Variants in NXPE2 observed in about 807,000 individuals in gnomAD.
The protein encoded by NXPE2 is neurexophilin and PC-esterase domain family member 2, also known as NXPE family member 2.
NXPE2 carries 34 observed loss-of-function variants against 34.4 expected under a neutral mutation model. That is an observed-to-expected ratio of 0.99 (90% confidence interval 0.75 to 1.31). The LOEUF (loss-of-function observed/expected upper bound fraction) is 1.31. Among genes scored for constraint, NXPE2 ranks in the 40% most tolerant of loss-of-function variants. NXPE2 has a pLI of 0.00. For synonymous variants in NXPE2, 235 were observed against 231.3 expected (o/e 1.02, Z -0.15); for missense variants, 649 against 672.5 (o/e 0.97, Z 0.39).
chr11:114,471,138 G>C, the NXPE2 span, among the ~76,000 whole-genome samples: 2 of 152,106 alleles, frequency 1.3e-5, no homozygotes, highest in African/African-American at 4.8e-5. Context: ...TAATTTTCAT[G>C]AAGTCCAATT....
the NXPE2 span, among the ~76,000 whole-genome samples, chr11:114,650,366 C>T: frequency 0.01 from 1,555 of 152,282 alleles, 22 homozygotes; most frequent in African/African-American, 0.035. Context: ...TCACAATCAC[C>T]CATGAGCTCT....
chr11:114,783,501 G>A, the NXPE2 span, among the ~76,000 whole-genome samples: 10 of 152,204 alleles, frequency 6.6e-5, no homozygotes, highest in East Asian at 1.9e-3. Flanking sequence ...CTCAACCATT[G>A]CTATTAGAGA....
chr11:114,738,483 A>G, the NXPE2 span, among the ~76,000 whole-genome samples: 1 of 152,158 alleles, frequency 6.6e-6, no homozygotes, highest in Non-Finnish European at 1.5e-5. Context: ...GACCTAAAGC[A>G]ATTGGGATAT....
chr11:114,695,830 A>AAAACAC (rs1951239825), intron 2 of NXPE2, among the ~76,000 whole-genome samples: 1 of 132,536 alleles, frequency 7.5e-6, no homozygotes, highest in Non-Finnish European at 1.6e-5. Flanking sequence ...GTCTCTACTA[A>AAAACAC]ACACACACAC....
the NXPE2 span, among the ~76,000 whole-genome samples, chr11:114,570,146 G>T: frequency 3.3e-5 from 5 of 152,216 alleles, no homozygotes; most frequent in East Asian, 9.6e-4. Flanking sequence ...TTTGTTTGGG[G>T]CTCAGACTAT....
At chr11:114,537,731 G>A in the NXPE2 span, among the ~76,000 whole-genome samples, 1 of 151,968 alleles carries the variant, frequency 6.6e-6, no homozygotes, top group South Asian at 2.1e-4. Flanking sequence ...CAAGGGATGT[G>A]AAGGACCTCT....
chr11:114,572,977 C>G, the NXPE2 span, among the ~76,000 whole-genome samples: 1 of 152,092 alleles, frequency 6.6e-6, no homozygotes, highest in Admixed American at 6.5e-5. Flanking sequence ...TATCAGGTAA[C>G]CTATAAAAGA....
At chr11:114,728,665 A>G in the NXPE2 span, among the ~76,000 whole-genome samples, 1 of 152,202 alleles carries the variant, frequency 6.6e-6, no homozygotes, top group Non-Finnish European at 1.5e-5. Context: ...AAGATATTAC[A>G]TACTTTAGGC....
At chr11:114,653,533 C>CTTT in the NXPE2 span, among the ~76,000 whole-genome samples, 2 of 103,512 alleles carry the variant, frequency 1.9e-5, no homozygotes, top group African/African-American at 3.5e-5. Context: ...CCTGCTTTCC[C>CTTT]TTTTTTTTTT....
chr11:114,730,326 G>C, the NXPE2 span, among the ~76,000 whole-genome samples: 7 of 152,064 alleles, frequency 4.6e-5, no homozygotes, highest in Middle Eastern at 3.4e-3. Flanking sequence ...GTTGGAAGTC[G>C]GGTAATGTGA....
chr11:114,573,067 TA>T, the NXPE2 span, among the ~76,000 whole-genome samples: 1 of 152,094 alleles, frequency 6.6e-6, no homozygotes, highest in Non-Finnish European at 1.5e-5. Context: ...TTAGCCTCCT[TA>T]AACAAAAAAA....
At chr11:114,476,927 C>G in the NXPE2 span, among the ~76,000 whole-genome samples, 16 of 152,090 alleles carry the variant, frequency 1.1e-4, 1 homozygote, top group Non-Finnish European at 2.1e-4. Flanking sequence ...CCCCCTAAAG[C>G]TATTAAGTTA....
the NXPE2 span, among the ~76,000 whole-genome samples, chr11:114,797,626 C>A: frequency 7.2e-5 from 11 of 152,192 alleles, no homozygotes; most frequent in Admixed American, 2.6e-4. Context: ...GCTTCCCTGG[C>A]AGCTACCATC....
At chr11:114,612,577 A>G in the NXPE2 span, among the ~76,000 whole-genome samples, 6 of 149,148 alleles carry the variant, frequency 4.0e-5, no homozygotes, top group South Asian at 2.1e-4. Context: ...CTGTTACCCA[A>G]TGGATAATAA....
the NXPE2 span, chr11:114,512,968 T>A: frequency 2.9e-6 from 1 of 339,966 alleles, no homozygotes; most frequent in South Asian, 2.6e-5. Flanking sequence ...ACAGTGTTGG[T>A]GTCTCGCCCT....
the NXPE2 span, among the ~76,000 whole-genome samples, chr11:114,769,382 C>T: frequency 6.6e-6 from 1 of 152,164 alleles, no homozygotes; most frequent in Admixed American, 6.5e-5. Context: ...ATTAGTTCAA[C>T]CATTGTGGAA....
chr11:114,689,790 A>G (rs1196722030), intron 2 of NXPE2, among the ~76,000 whole-genome samples: 4 of 152,132 alleles, frequency 2.6e-5, no homozygotes, highest in Admixed American at 2.0e-4. Flanking sequence ...GTGGATGCAT[A>G]TATATTTAGG....
At chr11:114,716,591 A>G in the NXPE2 span, among the ~76,000 whole-genome samples, 1 of 152,170 alleles carries the variant, frequency 6.6e-6, no homozygotes, top group East Asian at 1.9e-4. Context: ...GTCAGTGTAT[A>G]TGGAGAGGGC....
At chr11:114,617,480 G>A in the NXPE2 span, among the ~76,000 whole-genome samples, 4 of 151,074 alleles carry the variant, frequency 2.6e-5, no homozygotes, top group Admixed American at 6.6e-5. Context: ...GATATCAAAT[G>A]TTGCCTCGTG....
Sources: gnomAD v4.1 joint callset for allele counts (sites outside exome capture counted in the v4.1 genomes callset) on GRCh38, gnomAD v4.1.1 for gene constraint, MANE v1.5 for transcripts, NCBI Gene and HGNC (gene_info 2026-07-23, HGNC 2026-07-21) for gene names.